Variants in CNBD1 observed in about 807,000 individuals in gnomAD.
CNBD1 encodes cyclic nucleotide-binding domain-containing protein 1.
In CNBD1, 71 loss-of-function variants were observed where a neutral mutation model predicts 54.4. The ratio of observed to expected loss-of-function variants is 1.30; its 90% CI spans 1.08 to 1.59. The LOEUF (loss-of-function observed/expected upper bound fraction) is 1.59, where lower values mean the gene tolerates loss of function less well. CNBD1 is among the 40% of genes most tolerant of loss of function. CNBD1 has a pLI of 0.00. For missense variants in CNBD1, 659 were observed against 518.0 expected, an observed-to-expected ratio of 1.27 and a Z score of -2.64; for synonymous variants, 182 against 170.7, an observed-to-expected ratio of 1.07 and a Z score of -0.51.
At chr8:87,082,020 C>CGTCTTCTTG (rs2130666605) in intron 4 of CNBD1, among the ~76,000 whole-genome samples, 1 of 152,248 alleles carries the variant, frequency 6.6e-6, no homozygotes, top group South Asian at 2.1e-4. Context: ...AACATAGCAG[C>CGTCTTCTTG]GTCTTCTTGG....
chr8:87,156,069 A>G (rs1812727664), intron 4 of CNBD1, among the ~76,000 whole-genome samples: 1 of 151,914 alleles, frequency 6.6e-6, no homozygotes, highest in Admixed American at 6.6e-5. Context: ...ATAAACAGTA[A>G]GAAAAGAAAA....
chr8:87,141,419 A>T (rs1812367402), intron 4 of CNBD1, among the ~76,000 whole-genome samples: 1 of 152,162 alleles, frequency 6.6e-6, no homozygotes, highest in South Asian at 2.1e-4. Context: ...AGAATATTAT[A>T]AAAGGTTAGT....
intron 4 of CNBD1, among the ~76,000 whole-genome samples, chr8:87,032,230 G>T (rs561231355): frequency 3.3e-5 from 5 of 152,192 alleles, no homozygotes; most frequent in South Asian, 4.1e-4. Context: ...TGAACAATGT[G>T]GGGGGTAGGG....
chr8:87,312,553 G>T (rs897738270), intron 8 of CNBD1, among the ~76,000 whole-genome samples: 1 of 152,006 alleles, frequency 6.6e-6, no homozygotes, highest in Non-Finnish European at 1.5e-5. Flanking sequence ...CTAAGACTCT[G>T]CTAGAGACAA....
At chr8:87,239,215 GTTGT>G (rs1193378549) in intron 6 of CNBD1, among the ~76,000 whole-genome samples, 1 of 152,224 alleles carries the variant, frequency 6.6e-6, no homozygotes, top group East Asian at 1.9e-4. Flanking sequence ...GGTTTTTGTT[GTTGT>G]TTAAGTTTGC....
chr8:87,043,066 A>G (rs78960001), intron 4 of CNBD1, among the ~76,000 whole-genome samples: 4,691 of 152,344 alleles, frequency 0.031, 112 homozygotes, highest in Non-Finnish European at 0.047. Context: ...ATATGTTGCA[A>G]TGCTGCAACA....
intron 2 of CNBD1, among the ~76,000 whole-genome samples, chr8:87,401,744 A>AT (rs1486678001): frequency 1.3e-5 from 2 of 152,028 alleles, no homozygotes; most frequent in African/African-American, 2.4e-5. Flanking sequence ...AGAAGCATGG[A>AT]TTTTTTAAAA....
At chr8:87,331,727 G>A (rs1264584416) in intron 8 of CNBD1, among the ~76,000 whole-genome samples, 1 of 152,134 alleles carries the variant, frequency 6.6e-6, no homozygotes, top group Non-Finnish European at 1.5e-5. Flanking sequence ...AGCATCTATT[G>A]TTGGTTTACT....
intron 4 of CNBD1, among the ~76,000 whole-genome samples, chr8:87,001,454 ATG>A (rs1808990922): frequency 6.6e-6 from 1 of 152,088 alleles, no homozygotes; most frequent in African/African-American, 2.4e-5. Flanking sequence ...CCTTTTGACC[ATG>A]TATGTGCATA....
At chr8:87,162,777 G>A (rs1812884124) in intron 4 of CNBD1, among the ~76,000 whole-genome samples, 1 of 152,060 alleles carries the variant, frequency 6.6e-6, no homozygotes, top group South Asian at 2.1e-4. Flanking sequence ...TGTGACAGAA[G>A]GCAGAAGGGC....
At chr8:87,081,409 T>C (rs2130665572) in intron 4 of CNBD1, among the ~76,000 whole-genome samples, 1 of 152,312 alleles carries the variant, frequency 6.6e-6, no homozygotes, top group Admixed American at 6.5e-5. Context: ...GCTTGTTTCA[T>C]GCCTACAATA....
At chr8:87,043,827 C>A (rs1810124597) in intron 4 of CNBD1, among the ~76,000 whole-genome samples, 1 of 152,248 alleles carries the variant, frequency 6.6e-6, no homozygotes, top group African/African-American at 2.4e-5. Flanking sequence ...AGCGTAGCAA[C>A]AGCAAGAAAT....
chr8:87,242,692 C>T (rs139717265), intron 6 of CNBD1, among the ~76,000 whole-genome samples: 18 of 152,278 alleles, frequency 1.2e-4, no homozygotes, highest in African/African-American at 2.2e-4. Context: ...AGTTCAACCA[C>T]CTTGGGCACA....
At chr8:87,401,814 C>T (rs939988566) in intron 2 of CNBD1, among the ~76,000 whole-genome samples, 1 of 151,926 alleles carries the variant, frequency 6.6e-6, no homozygotes, top group Non-Finnish European at 1.5e-5. Flanking sequence ...TTATGCTTTT[C>T]CACATTAAGG....
At chr8:87,414,535 AAG>A (rs1373684990) in intron 2 of CNBD1, among the ~76,000 whole-genome samples, 7 of 152,142 alleles carry the variant, frequency 4.6e-5, no homozygotes, top group Admixed American at 3.3e-4. Flanking sequence ...TAAATAAAAA[AAG>A]AAATTAATAT....
Position 87,312,027 on chromosome 8 carries a change from G to A in CNBD1, c.1042+25356G>A, listed in dbSNP as rs550393165. Among the ~76,000 whole-genome samples the A allele has an allele frequency of 2.6e-5, 4 of 152,036 alleles. No homozygotes were observed. The South Asian group carries it at 6.2e-4, about 24-fold the overall frequency. Reference sequence around the variant, plus strand: ...TAGTACCTAGCTGACAGGATCAATTGTACCCCAAACCACAGCATCACGCGA... The same window carrying A: ...TAGTACCTAGCTGACAGGATCAATTATACCCCAAACCACAGCATCACGCGA... On this transcript the variant is annotated intron_variant, in intron 8 of 10. Coordinates refer to ENST00000518476, the MANE Select transcript of CNBD1 (RefSeq NM_173538.3).
intron 2 of CNBD1, among the ~76,000 whole-genome samples, chr8:87,392,181 T>C (rs1056181862): frequency 1.3e-5 from 2 of 152,030 alleles, no homozygotes; most frequent in Non-Finnish European, 1.5e-5. Context: ...GTGAAAAAAT[T>C]CGTGCTCTCA....
intron 2 of CNBD1, among the ~76,000 whole-genome samples, chr8:86,896,417 C>T (rs1206576574): frequency 6.6e-6 from 1 of 151,994 alleles, no homozygotes; most frequent in East Asian, 1.9e-4. Context: ...ATTAATTTTT[C>T]TGATCCAGGG....
At chr8:87,263,999 T>C (rs1350337365) in intron 6 of CNBD1, among the ~76,000 whole-genome samples, 1 of 152,156 alleles carries the variant, frequency 6.6e-6, no homozygotes, top group Non-Finnish European at 1.5e-5. Context: ...AGTATTTTAT[T>C]TTATTTTTTT....
Sources: gnomAD v4.1 joint callset for allele counts (sites outside exome capture counted in the v4.1 genomes callset) on GRCh38, gnomAD v4.1.1 for gene constraint, MANE v1.5 for transcripts, NCBI Gene and HGNC (gene_info 2026-07-23, HGNC 2026-07-21) for gene names.